Variants in ATP8A2 observed in about 807,000 individuals in gnomAD.
ATP8A2 encodes the protein phospholipid-transporting ATPase IB.
A neutral mutation model predicts 165.6 loss-of-function variants in ATP8A2; 100 were observed. The observed-to-expected ratio is 0.60, with a 90% CI of 0.51 to 0.71. The LOEUF (loss-of-function observed/expected upper bound fraction) is 0.71, where lower values mean the gene tolerates loss of function less well. Among genes scored for constraint, ATP8A2 ranks in the 30% least tolerant of loss-of-function variants. The probability of loss-of-function intolerance (pLI) is 0.00; values close to 1 mark genes in which losing one functional copy is unlikely to be tolerated. For synonymous variants in ATP8A2, 543 were observed against 548.8 expected (o/e 0.99, Z 0.15); for missense variants, 1,227 against 1,479.5 (o/e 0.83, Z 2.80).
chr13:25,876,022 A>T (rs145763906), intron 33 of ATP8A2, among the ~76,000 whole-genome samples: 88 of 152,344 alleles, frequency 5.8e-4, no homozygotes, highest in African/African-American at 2.0e-3. Context: ...TGTTCAAGGG[A>T]CTGCCATTTC....
intron 24 of ATP8A2, among the ~76,000 whole-genome samples, chr13:25,654,281 G>A (rs1413733891): frequency 6.6e-6 from 1 of 152,096 alleles, no homozygotes; most frequent in African/African-American, 2.4e-5. Flanking sequence ...TAAGGGCTCA[G>A]TGCAGCCTAG....
chr13:25,444,294 C>T (rs2035012729), intron 1 of ATP8A2, among the ~76,000 whole-genome samples: 1 of 152,164 alleles, frequency 6.6e-6, no homozygotes, highest in Non-Finnish European at 1.5e-5. Context: ...TTATCCATTT[C>T]CCTGCTGATG....
At chr13:25,717,774 T>A (rs909860270) in intron 25 of ATP8A2, among the ~76,000 whole-genome samples, 1 of 152,222 alleles carries the variant, frequency 6.6e-6, no homozygotes, top group East Asian at 1.9e-4. Flanking sequence ...TCAACCCTCA[T>A]CTGAATGCCT....
At position 25,579,894 on chromosome 13, in the gene ATP8A2, A is replaced by G. The variant is rs1022753992; in HGVS notation, c.1954A>G (p.Ile652Val). 2.5e-6 allele frequency: 4 copies of G among 1,614,002 alleles called. No individual in the cohort carries two copies. Among genetic ancestry groups the G allele is most frequent in the Admixed American group, 1.7e-5 (1 of 60,002 alleles). Residue 652 changes from isoleucine to valine, a missense_variant, in exon 22 of 37, where the codon ATA becomes GTA. Transcript: ENST00000381655. ...WLKVYQEAST[I>V]LKDRAQRLEE... ...GAAAGTCTATCAGGAAGCCAGCACC[A>G]TATTGAAGGACAGAGCTCAACGGTT...
intron 35 of ATP8A2, among the ~76,000 whole-genome samples, chr13:25,991,551 A>G (rs1386916163): frequency 2.0e-5 from 3 of 152,242 alleles, no homozygotes; most frequent in Non-Finnish European, 2.9e-5. Context: ...CTCCATTTCT[A>G]TGATTTTGTC....
At chr13:25,599,845 G>A (rs1392215370) in intron 24 of ATP8A2, among the ~76,000 whole-genome samples, 4 of 152,092 alleles carry the variant, frequency 2.6e-5, no homozygotes, top group Non-Finnish European at 4.4e-5. Context: ...TTTTTCCACT[G>A]ATGATTAGGT....
At chr13:25,406,115 A>T (rs1385337262) in intron 1 of ATP8A2, among the ~76,000 whole-genome samples, 1 of 152,170 alleles carries the variant, frequency 6.6e-6, no homozygotes, top group East Asian at 1.9e-4. Flanking sequence ...ATGCAAACTT[A>T]CCCCCAAATT....
At chr13:25,421,482 A>G (rs9511795) in intron 1 of ATP8A2, among the ~76,000 whole-genome samples, 66,660 of 152,024 alleles carry the variant, frequency 0.44, 15,525 homozygotes, top group East Asian at 0.6. Context: ...CTACAGGCCC[A>G]TGCCACTGCA....
chr13:25,573,606 C>T (rs1348088994), intron 18 of ATP8A2, among the ~76,000 whole-genome samples: 2 of 152,116 alleles, frequency 1.3e-5, no homozygotes, highest in Non-Finnish European at 2.9e-5. Flanking sequence ...ATGAAATGTC[C>T]TCGCCAATAG....
intron 33 of ATP8A2, among the ~76,000 whole-genome samples, chr13:25,945,925 G>A (rs1955197939): frequency 6.6e-6 from 1 of 152,124 alleles, no homozygotes; most frequent in Admixed American, 6.5e-5. Context: ...TCGGGGAGGA[G>A]TAGAATTTGT....
Position 25,961,605 on chromosome 13 carries a change from T to C in ATP8A2, c.3214T>C (p.Trp1072Arg). Residue 1072 changes from tryptophan to arginine, a missense_variant, in exon 34 of 37, where the codon TGG becomes CGG. This residue lies in a region of ATP8A2 where 260 missense variants were observed against 245.1 expected (regional missense o/e 1.06). Transcript: ENST00000381655. ...TATGGTCCTGAGCTCCGCACACTTC[T>C]GGTTGGGATTATTTCTGGTTCCTAC... is the stretch of plus-strand genomic sequence containing the variant. ...ATMVLSSAHF[W>R]LGLFLVPTAC... The C allele has an allele frequency of 6.2e-7, 1 of 1,614,160 alleles. No individual in the cohort carries two copies. Among genetic ancestry groups the C allele is most frequent in the Non-Finnish European group, 8.5e-7 (1 of 1,179,964 alleles).
At chr13:25,522,812 A>T (rs1028239613) in intron 2 of ATP8A2, among the ~76,000 whole-genome samples, 1 of 152,156 alleles carries the variant, frequency 6.6e-6, no homozygotes, top group Non-Finnish European at 1.5e-5. Flanking sequence ...TCATTTTGCT[A>T]GTATTTGGTT....
intron 24 of ATP8A2, among the ~76,000 whole-genome samples, chr13:25,629,190 T>G (rs796541100): frequency 2.0e-5 from 3 of 152,186 alleles, no homozygotes. Flanking sequence ...ACAGAACACA[T>G]GGGCAGTCTC....
At chr13:25,918,515 A>G (rs998696803) in intron 33 of ATP8A2, among the ~76,000 whole-genome samples, 1 of 152,224 alleles carries the variant, frequency 6.6e-6, no homozygotes, top group African/African-American at 2.4e-5. Flanking sequence ...TCTGTTACCC[A>G]GGACACCAAA....
At chr13:25,454,254 C>G (rs561337168) in intron 1 of ATP8A2, among the ~76,000 whole-genome samples, 1 of 152,142 alleles carries the variant, frequency 6.6e-6, no homozygotes, top group African/African-American at 2.4e-5. Context: ...TGCCTGTCAT[C>G]AACCCACCAT....
At chr13:25,790,439 T>G (rs1177889552) in intron 27 of ATP8A2, among the ~76,000 whole-genome samples, 1 of 151,814 alleles carries the variant, frequency 6.6e-6, no homozygotes, top group Non-Finnish European at 1.5e-5. Flanking sequence ...TGCTTGTAAT[T>G]CCAGCACTTT....
intron 2 of ATP8A2, among the ~76,000 whole-genome samples, chr13:25,484,684 T>C (rs2036299456): frequency 6.6e-6 from 1 of 151,946 alleles, no homozygotes; most frequent in Non-Finnish European, 1.5e-5. Context: ...CCGGCTAATT[T>C]TTTTGTATTT....
At chr13:25,812,126 G>A (rs1004368819) in intron 27 of ATP8A2, among the ~76,000 whole-genome samples, 7 of 151,658 alleles carry the variant, frequency 4.6e-5, no homozygotes, top group African/African-American at 1.7e-4. Flanking sequence ...GGGCTAAAAA[G>A]TATGATTTTT....
At chr13:25,968,458 G>A (rs569081327) in intron 34 of ATP8A2, 117 bp from the exon 35 acceptor site, 35 of 825,128 alleles carry the variant, frequency 4.2e-5, no homozygotes, top group Non-Finnish European at 6.1e-5. Flanking sequence ...ACCACTTCCC[G>A]AGCCTCGGCC....
Sources: gnomAD v4.1 joint callset for allele counts (sites outside exome capture counted in the v4.1 genomes callset) on GRCh38, gnomAD v4.1.1 for gene constraint, gnomAD v4.1.1 regional missense constraint, MANE v1.5 for transcripts, NCBI Gene and HGNC (gene_info 2026-07-23, HGNC 2026-07-21) for gene names.